FSTL5: variants seen among roughly 807,000 people sequenced by gnomAD.
FSTL5 encodes follistatin-related protein 5.
FSTL5 carries 62 observed loss-of-function variants against 89.1 expected under a neutral mutation model. That is an observed-to-expected ratio of 0.70 (90% confidence interval 0.57 to 0.86). The LOEUF is 0.86. Among genes scored for constraint, FSTL5 ranks in the 40% least tolerant of loss-of-function variants. FSTL5 has a pLI of 0.00. For synonymous variants in FSTL5, 383 were observed against 346.2 expected (o/e 1.11, Z -1.18); for missense variants, 1,057 against 1,001.6 (o/e 1.06, Z -0.75).
At chr4:161,889,280 T>C (rs964833804) in intron 4 of FSTL5, among the ~76,000 whole-genome samples, 1 of 152,120 alleles carries the variant, frequency 6.6e-6, no homozygotes, top group African/African-American at 2.4e-5. Context: ...ATGGAATACT[T>C]GGATATGGTT....
At position 161,975,754 on chromosome 4, in the gene FSTL5, AAAAATAAAATAAAAT is replaced by A. The variant is rs201057312; in HGVS notation, c.161-55117_161-55103del. Among the ~76,000 whole-genome samples the A allele has an allele frequency of 3.5e-3, 468 of 134,942 alleles. 3 individuals carry two copies. The highest frequency in any genetic ancestry group is 0.011 in the Middle Eastern group (3 of 270). 88.5% of individuals were successfully genotyped at this position (134,942 alleles called of 152,430 possible). A position where few individuals can be genotyped will look rare whatever the true frequency, so the allele number is the denominator to read the frequency against. ...TGTACCCTAAAACTTAAAGTATAAT[AAAAATAAAATAAAAT>A]AAAATAAAATAAAATAAAATAAAAT... is the stretch of plus-strand genomic sequence containing the variant. On this transcript the variant is annotated intron_variant, in intron 3 of 15. Coordinates refer to ENST00000306100, the MANE Select transcript of FSTL5 (RefSeq NM_020116.5).
chr4:161,540,802 TA>T (rs1731792571), intron 9 of FSTL5, among the ~76,000 whole-genome samples: 1 of 152,106 alleles, frequency 6.6e-6, no homozygotes, highest in African/African-American at 2.4e-5. Flanking sequence ...ACTGTTTTTC[TA>T]AATGTCGCAA....
At chr4:161,862,100 ACT>A (rs1156864568) in intron 4 of FSTL5, among the ~76,000 whole-genome samples, 1 of 152,094 alleles carries the variant, frequency 6.6e-6, no homozygotes, top group Non-Finnish European at 1.5e-5. Context: ...CATTTTTAAA[ACT>A]CTGTATTTAT....
At chr4:161,651,722 G>T (rs1379819421) in intron 7 of FSTL5, among the ~76,000 whole-genome samples, 6 of 152,108 alleles carry the variant, frequency 3.9e-5, no homozygotes, top group African/African-American at 4.8e-5. Context: ...GACACAGAGG[G>T]TTTAAATAAT....
intron 6 of FSTL5, among the ~76,000 whole-genome samples, chr4:161,735,050 C>T (rs562200422): frequency 6.6e-6 from 1 of 152,282 alleles, no homozygotes; most frequent in East Asian, 1.9e-4. Flanking sequence ...TTTCCAATGC[C>T]AATCATAAGC....
intron 11 of FSTL5, among the ~76,000 whole-genome samples, chr4:161,504,482 T>TTG (rs961199573): frequency 2.0e-5 from 3 of 151,692 alleles, no homozygotes; most frequent in Admixed American, 2.0e-4. Context: ...GTTTTTGTTT[T>TTG]TTTTTTCCTT....
intron 3 of FSTL5, among the ~76,000 whole-genome samples, chr4:162,017,840 T>A (rs1411113157): frequency 2.6e-5 from 4 of 152,174 alleles, no homozygotes; most frequent in Non-Finnish European, 2.9e-5. Context: ...TTATTTAAAC[T>A]TCCGTAAATG....
At chr4:161,547,467 T>C (rs1732046311) in intron 8 of FSTL5, among the ~76,000 whole-genome samples, 1 of 151,906 alleles carries the variant, frequency 6.6e-6, no homozygotes, top group South Asian at 2.1e-4. Flanking sequence ...CAGCATAAAC[T>C]TAATATCAAA....
chr4:161,621,604 A>C (rs2126646576), intron 7 of FSTL5, among the ~76,000 whole-genome samples: 1 of 152,228 alleles, frequency 6.6e-6, no homozygotes, highest in African/African-American at 2.4e-5. Flanking sequence ...TTAACAAAGC[A>C]AAATTTATTT....
Position 161,587,528 on chromosome 4 carries a change from A to G in FSTL5, c.942T>C (p.Thr314=). The part of the protein sequence containing the change: ...GSLYITKVTT[T]HVGNYTCYAD... ...CATAGCAGGTGTAATTGCCAACGTG[A>G]GTTGTGGTAACCTTAGTAATATACA... Residue 314 remains threonine, a synonymous_variant, in exon 8 of 16, where the codon ACT becomes ACC. Transcript: ENST00000306100. 1 of 1,611,460 alleles carries G rather than the reference A, an allele frequency of 6.2e-7. No individual in the cohort carries two copies. Among genetic ancestry groups the G allele is most frequent in the Non-Finnish European group, 8.5e-7 (1 of 1,177,816 alleles).
chr4:161,523,956 A>G (rs1731119573), intron 10 of FSTL5, among the ~76,000 whole-genome samples: 1 of 152,212 alleles, frequency 6.6e-6, no homozygotes, highest in Non-Finnish European at 1.5e-5. Flanking sequence ...AACCATCTGA[A>G]TGGACTTCCT....
Position 161,385,718 on chromosome 4 carries a change from C to A in FSTL5, c.*29G>T. On this transcript the variant is annotated 3_prime_UTR_variant, in exon 16 of 16. Transcript: ENST00000306100. Reference sequence around the variant, plus strand: ...ATTAAGTGCAATGTATTGTAAAACGCTTCATTCAATAATTGTATCGTAGGG... The same window carrying A: ...ATTAAGTGCAATGTATTGTAAAACGATTCATTCAATAATTGTATCGTAGGG... 1 of 1,428,416 alleles carries A rather than the reference C, an allele frequency of 7.0e-7. No individual in the cohort carries two copies. The allele number at this position is 1,428,416 out of a possible 1,614,324, so 88.5% of individuals were successfully genotyped here.
At chr4:161,791,650 G>A (rs1169284598) in intron 4 of FSTL5, among the ~76,000 whole-genome samples, 5 of 152,068 alleles carry the variant, frequency 3.3e-5, no homozygotes, top group Non-Finnish European at 4.4e-5. Flanking sequence ...GTAGGACAGC[G>A]GTGGGTATCA....
intron 15 of FSTL5, among the ~76,000 whole-genome samples, chr4:161,443,170 A>G (rs957366311): frequency 4.6e-5 from 7 of 151,998 alleles, no homozygotes; most frequent in African/African-American, 1.7e-4. Flanking sequence ...GTCTCACTGC[A>G]ACATATGGTC....
chr4:161,871,548 T>C (rs1732263398), intron 4 of FSTL5, among the ~76,000 whole-genome samples: 1 of 152,106 alleles, frequency 6.6e-6, no homozygotes, highest in Non-Finnish European at 1.5e-5. Context: ...AACCTACATA[T>C]ATTATCACAT....
chr4:161,422,562 A>C (rs1018686293), intron 15 of FSTL5, among the ~76,000 whole-genome samples: 2 of 152,206 alleles, frequency 1.3e-5, no homozygotes, highest in East Asian at 3.8e-4. Context: ...AACTAAAAGC[A>C]TGGAAGTGCT....
At chr4:161,447,889 GT>G (rs1359637151) in intron 15 of FSTL5, among the ~76,000 whole-genome samples, 1 of 152,114 alleles carries the variant, frequency 6.6e-6, no homozygotes, top group Non-Finnish European at 1.5e-5. Context: ...TATATACTTT[GT>G]TTGACAAACA....
At chr4:161,911,103 T>A (rs1265276301) in intron 4 of FSTL5, among the ~76,000 whole-genome samples, 2 of 152,114 alleles carry the variant, frequency 1.3e-5, no homozygotes, top group African/African-American at 2.4e-5. Flanking sequence ...TGATACCACT[T>A]TGTATATTAC....
intron 4 of FSTL5, among the ~76,000 whole-genome samples, chr4:161,896,546 T>C (rs552160348): frequency 6.6e-6 from 1 of 152,294 alleles, no homozygotes; most frequent in Non-Finnish European, 1.5e-5. Context: ...AGTTTTGTTT[T>C]TATATACTAT....
Sources: allele counts gnomAD v4.1 joint callset (sites outside exome capture counted in the v4.1 genomes callset), GRCh38; gene constraint gnomAD v4.1.1; transcripts MANE v1.5; gene names NCBI Gene and HGNC (gene_info 2026-07-23, HGNC 2026-07-21).